The following SYT2 variants were observed in gnomAD, a reference collection of about 807,000 sequenced individuals.
The protein encoded by SYT2 is synaptotagmin 2.
A neutral mutation model predicts 39.9 loss-of-function variants in SYT2; 15 were observed. That is an observed-to-expected ratio of 0.38 (90% CI 0.25 to 0.58). SYT2 has a LOEUF of 0.58. SYT2 is among the 20% of genes least tolerant of loss of function. The pLI is 0.70. For synonymous variants in SYT2, 181 were observed against 204.5 expected (o/e 0.89, Z 0.98); for missense variants, 389 against 530.3 (o/e 0.73, Z 2.62).
At chr1:202,642,577 G>T (rs561223010) in intron 1 of SYT2, among the ~76,000 whole-genome samples, 3 of 152,178 alleles carry the variant, frequency 2.0e-5, no homozygotes, top group African/African-American at 7.2e-5. Context: ...GAGCCGTGGC[G>T]CGTGTCAAAG....
chr1:202,599,136 T>G lies in SYT2; in HGVS notation c.1053+82A>C. 12 of 1,566,152 alleles carry G rather than the reference T, an allele frequency of 7.7e-6. No homozygotes were observed. The highest frequency in any genetic ancestry group is 1.0e-5 in the Non-Finnish European group (12 of 1,155,506). On this transcript the variant is annotated intron_variant, in intron 8 of 8. Coordinates refer to ENST00000367268, the MANE Select transcript of SYT2 (RefSeq NM_177402.5). This position sits in a 1 kb window ranked among gnomAD's most constrained non-coding sequence, Gnocchi z 4.4. Reference sequence around the variant, plus strand: ...GAAAGGCTGTTCCATGGTCTCTAGGTGAGTTCCCTCTCTTCAACCTCCCCA... The same window carrying G: ...GAAAGGCTGTTCCATGGTCTCTAGGGGAGTTCCCTCTCTTCAACCTCCCCA...
chr1:202,648,502 G>T (rs550952054), intron 1 of SYT2, among the ~76,000 whole-genome samples: 100 of 152,310 alleles, frequency 6.6e-4, no homozygotes, highest in African/African-American at 2.4e-3. Context: ...TGCAGGTGAG[G>T]AAACTAATAA....
intron 1 of SYT2, among the ~76,000 whole-genome samples, chr1:202,620,607 CCT>C (rs772037810): frequency 3.9e-5 from 6 of 151,922 alleles, no homozygotes; most frequent in East Asian, 1.9e-4. Context: ...CATCTCTCCC[CCT>C]GTTATAAGCC....
At chr1:202,611,008 ATTGCCAAGT>A (rs1343444689) in intron 1 of SYT2, among the ~76,000 whole-genome samples, 1 of 152,200 alleles carries the variant, frequency 6.6e-6, no homozygotes, top group Non-Finnish European at 1.5e-5. Flanking sequence ...AAGAGCCCGC[ATTGCCAAGT>A]CAATCCTAAG....
intron 1 of SYT2, among the ~76,000 whole-genome samples, chr1:202,670,898 T>C (rs1357775623): frequency 6.6e-6 from 1 of 152,240 alleles, no homozygotes; most frequent in Non-Finnish European, 1.5e-5. Flanking sequence ...ATAACTGATT[T>C]AACGACCTGT....
At chr1:202,688,257 C>A (rs1653722681) in intron 1 of SYT2, among the ~76,000 whole-genome samples, 1 of 152,234 alleles carries the variant, frequency 6.6e-6, no homozygotes, top group Non-Finnish European at 1.5e-5. Flanking sequence ...CATAGTGGCT[C>A]CGTCTTTCTC....
intron 1 of SYT2, among the ~76,000 whole-genome samples, chr1:202,674,302 A>G (rs183377367): frequency 2.2e-4 from 33 of 152,088 alleles, no homozygotes; most frequent in African/African-American, 4.6e-4. Context: ...GGGTTTTGCC[A>G]TATTGGCCAG....
At chr1:202,668,805 C>T (rs1692527622) in intron 1 of SYT2, among the ~76,000 whole-genome samples, 1 of 152,224 alleles carries the variant, frequency 6.6e-6, no homozygotes, top group Non-Finnish European at 1.5e-5. Context: ...CTCCATAAGG[C>T]ATCTCCTCAA....
At chr1:202,680,221 T>C (rs541390489) in intron 1 of SYT2, among the ~76,000 whole-genome samples, 3 of 152,190 alleles carry the variant, frequency 2.0e-5, no homozygotes, top group African/African-American at 7.2e-5. Context: ...ACCTGAAAAT[T>C]CAGAGGATTC....
chr1:202,691,922 C>T (rs566667470), intron 1 of SYT2, among the ~76,000 whole-genome samples: 2 of 152,208 alleles, frequency 1.3e-5, no homozygotes, highest in Admixed American at 1.3e-4. Flanking sequence ...AGCCCTGCTA[C>T]AGGCATACAA....
rs1333731612 is a variant in SYT2, at chr1:202,603,022, C to G, written c.442G>C (p.Asp148His). ...ENLGKLQFSL[D>H]YDFQANQLTV... ...ACCTGATTAGCCTGAAAATCATAGT[C>G]CAGGGAAAACTGCAGTTTGCCCAGG... Residue 148 changes from aspartate to histidine, a missense_variant, in exon 4 of 9, where the codon GAC becomes CAC. Coordinates refer to ENST00000367268, the MANE Select transcript of SYT2 (RefSeq NM_177402.5). The G allele has an allele frequency of 1.9e-6, 3 of 1,612,590 alleles. No homozygotes were observed. Among genetic ancestry groups the G allele is most frequent in the Non-Finnish European group, 2.5e-6 (3 of 1,179,366 alleles).
chr1:202,679,033 G>A (rs1003849762), intron 1 of SYT2, among the ~76,000 whole-genome samples: 1 of 152,146 alleles, frequency 6.6e-6, no homozygotes, highest in Non-Finnish European at 1.5e-5. Context: ...CCTTGGCCAT[G>A]CAAGCATTTG....
At chr1:202,610,769 AT>A (rs1303437193) in intron 1 of SYT2, among the ~76,000 whole-genome samples, 2 of 152,138 alleles carry the variant, frequency 1.3e-5, no homozygotes. Context: ...CTTACAAGGG[AT>A]GTGAAGGACC....
chr1:202,627,738 CTT>C lies in SYT2; in HGVS notation c.-17-21951_-17-21950del, dbSNP rs1174799507. 5.5e-6 allele frequency: 3 copies of C among 543,598 alleles called. No individual in the cohort carries two copies. The African/African-American group carries it at 6.2e-5, about 11-fold the overall frequency. 33.7% of individuals were successfully genotyped at this position (543,598 alleles called of 1,614,324 possible). A position where few individuals can be genotyped will look rare whatever the true frequency, so the allele number is the denominator to read the frequency against. On this transcript the variant is annotated intron_variant, in intron 1 of 8. Coordinates refer to ENST00000367268, the MANE Select transcript of SYT2 (RefSeq NM_177402.5). ...ATGTTTAATTGCTTAAAAATCCACT[CTT>C]TCATCTGATCTTCACTTTCGTTTCC... is the stretch of plus-strand genomic sequence containing the variant.
Position 202,605,782 on chromosome 1 carries a change from G to A in SYT2, c.-10C>T, listed in dbSNP as rs763972708. On this transcript the variant is annotated 5_prime_UTR_variant, in exon 2 of 9. Transcript: ENST00000367268. ...TGAAAATGTTCCTCATGGTGGCAGA[G>A]GAAACAGCTGGGGACGAGAGGTGAA... The A allele has an allele frequency of 6.2e-6, 10 of 1,613,400 alleles. 1 individual carries two copies. In the South Asian group the frequency reaches 9.9e-5, roughly 16 times the overall value.
At position 202,593,814 on chromosome 1, in the gene SYT2, C is replaced by T. The variant is rs973487353; in HGVS notation, c.*2943G>A. 1 of 152,128 alleles carries T rather than the reference C, an allele frequency of 6.6e-6. No individual in the cohort carries two copies. The highest frequency in any genetic ancestry group is 2.1e-4 in the South Asian group (1 of 4,824). The allele number at this position is 152,128 out of a possible 1,614,324, so 9.4% of individuals were successfully genotyped here. A position where few individuals can be genotyped will look rare whatever the true frequency, so the allele number is the denominator to read the frequency against. The stretch of plus-strand genomic sequence containing the variant: ...TGGTCTCAGCTTCTCTAAAAATCAC[C>T]TCTATACTACTTTCCTTTCTCTGGA... On this transcript the variant is annotated 3_prime_UTR_variant, in exon 9 of 9. Coordinates refer to ENST00000367268, the MANE Select transcript of SYT2 (RefSeq NM_177402.5).
chr1:202,657,298 T>G (rs1342083821), intron 1 of SYT2, among the ~76,000 whole-genome samples: 3 of 151,724 alleles, frequency 2.0e-5, no homozygotes, highest in African/African-American at 7.3e-5. Context: ...ACCAGAAGAG[T>G]CTCAAGGGCA....
intron 1 of SYT2, among the ~76,000 whole-genome samples, chr1:202,663,947 C>T (rs1459407294): frequency 6.6e-6 from 1 of 152,144 alleles, no homozygotes; most frequent in Non-Finnish European, 1.5e-5. Context: ...TAAGGTCAGC[C>T]AAGTTACAAA....
rs1465576256 is a variant in SYT2 at position 202,600,385 on chromosome 1, G to T, written c.891C>A (p.Leu297=). The part of the protein sequence containing the change: ...LTVCILEAKN[L]KKMDVGGLSD... ...AAAGGCCGCCCACGTCCATCTTCTT[G>T]AGGTTCTTAGCCTCCAGGATGCAGA... Residue 297 remains leucine (L), a synonymous_variant, in exon 7 of 9, where the codon CTC becomes CTA. Transcript: ENST00000367268. 1.8e-5 allele frequency: 29 copies of T among 1,614,228 alleles called. No individual in the cohort carries two copies. The highest frequency in any genetic ancestry group is 2.5e-5 in the Non-Finnish European group (29 of 1,180,038).
Sources: allele counts gnomAD v4.1 joint callset (sites outside exome capture counted in the v4.1 genomes callset), GRCh38; gene constraint gnomAD v4.1.1; non-coding constraint Gnocchi (gnomAD v3.1); transcripts MANE v1.5; gene names NCBI Gene and HGNC (gene_info 2026-07-23, HGNC 2026-07-21).